The following PI4KA variants were observed in gnomAD, a reference collection of about 807,000 sequenced individuals.
PI4KA encodes the protein phosphatidylinositol 4-kinase alpha.
Under a neutral mutation model 271.4 loss-of-function variants are expected in PI4KA, and 122 were observed. That is an observed-to-expected ratio of 0.45 (90% CI 0.39 to 0.52). The LOEUF is 0.52. Ranked by LOEUF, PI4KA falls within the 20% of genes least tolerant of loss-of-function variation. PI4KA has a pLI of 0.00. For missense variants in PI4KA, 1,969 were observed against 2,769.1 expected (o/e 0.71, Z 6.48); for synonymous variants, 1,041 against 1,078.8 (o/e 0.96, Z 0.69).
Position 20,858,620 on chromosome 22 carries a change from G to A in PI4KA, c.106C>T (p.Leu36=), listed in dbSNP as rs929449590. The stretch of plus-strand genomic sequence containing the variant: ...ACCGCCAGGGAGCGGGCCAGTGACA[G>A]GACCGTGTTGAAATAGAAGCCCCGC... ...ASRGFYFNTV[L]SLARSLAVQR... is the part of the protein sequence containing the mutation. The change falls in exon 1 of 55, where the codon CTG becomes TTG. Residue 36 remains leucine (L), a synonymous_variant. Coordinates refer to ENST00000255882, the MANE Select transcript of PI4KA (RefSeq NM_058004.4). The A allele has an allele frequency of 6.0e-5, 89 of 1,487,016 alleles. No homozygotes were observed. Among genetic ancestry groups the A allele is most frequent in the Non-Finnish European group, 7.8e-5 (88 of 1,124,738 alleles). 92.1% of individuals were successfully genotyped at this position (1,487,016 alleles called of 1,614,324 possible).
intron 36 of PI4KA, among the ~76,000 whole-genome samples, chr22:20,730,386 T>G (rs1927881400): frequency 6.6e-6 from 1 of 152,032 alleles, no homozygotes; most frequent in African/African-American, 2.4e-5. Flanking sequence ...GTGATCCTCC[T>G]GCCTCAGCCT....
At chr22:20,826,605 A>C (rs1923455205) in intron 3 of PI4KA, among the ~76,000 whole-genome samples, 1 of 152,186 alleles carries the variant, frequency 6.6e-6, no homozygotes, top group Non-Finnish European at 1.5e-5. Context: ...ATCCTGTTTT[A>C]AATTCTTTCA....
rs1020216066 is a variant in PI4KA, at chr22:20,729,211, G to C, written c.4682+102C>G. On this transcript the variant is annotated intron_variant, in intron 39 of 54. Coordinates refer to ENST00000255882, the MANE Select transcript of PI4KA (RefSeq NM_058004.4). ...GACTACTTCCTGACTATCCTTGAAA[G>C]GGGCTGCAGGGCACTCCTGAGAACT... 15 of 941,606 alleles carry C rather than the reference G, an allele frequency of 1.6e-5. No homozygotes were observed. The Admixed American group carries it at 3.9e-4, about 25-fold the overall frequency. The allele number at this position is 941,606 out of a possible 1,614,324, so 58.3% of individuals were successfully genotyped here.
chr22:20,739,789 G>A (rs1294598063), intron 32 of PI4KA, among the ~76,000 whole-genome samples: 3 of 152,102 alleles, frequency 2.0e-5, no homozygotes, highest in South Asian at 2.1e-4. Flanking sequence ...ATGGCTGGGC[G>A]TGGTGGCTCA....
intron 9 of PI4KA, among the ~76,000 whole-genome samples, chr22:20,807,944 T>C (rs1431881123): frequency 1.3e-5 from 2 of 151,370 alleles, no homozygotes; most frequent in East Asian, 1.9e-4. Context: ...GTAGCACTAT[T>C]CTTCTTCTGA....
intron 32 of PI4KA, chr22:20,736,408 C>A (rs1928724348): frequency 6.6e-6 from 1 of 151,818 alleles, no homozygotes; most frequent in African/African-American, 2.4e-5. Context: ...AACAAGCCCA[C>A]CTTCGAGTCT....
chr22:20,746,238 A>G (rs1042939865), intron 29 of PI4KA, among the ~76,000 whole-genome samples: 4 of 151,504 alleles, frequency 2.6e-5, no homozygotes, highest in Non-Finnish European at 4.4e-5. Context: ...AATTTTTTGT[A>G]TTTTTAGTAG....
intron 19 of PI4KA, among the ~76,000 whole-genome samples, chr22:20,772,605 A>T (rs1932926062): frequency 6.6e-6 from 1 of 151,874 alleles, no homozygotes; most frequent in Non-Finnish European, 1.5e-5. Flanking sequence ...ATGCACAGAC[A>T]CCCCCATGGG....
rs537607777 is a variant in PI4KA at position 20,789,947 on chromosome 22, GC to G, written c.2328+3245del. ...AGTGACTGGTGACACAAGTAAACTT[GC>G]TCTCAGTGAAATACATGAATGTTTT... On this transcript the variant is annotated intron_variant, in intron 19 of 54. Transcript: ENST00000255882. Among the ~76,000 whole-genome samples the G allele has an allele frequency of 2.5e-3, 374 of 152,296 alleles. 1 individual carries two copies. Among genetic ancestry groups the G allele is most frequent in the African/African-American group, 8.6e-3 (357 of 41,548 alleles).
intron 19 of PI4KA, among the ~76,000 whole-genome samples, chr22:20,770,589 C>T (rs1322535827): frequency 4.3e-5 from 4 of 93,150 alleles, no homozygotes; most frequent in African/African-American, 1.9e-4. Context: ...GACACACACA[C>T]ACACACACAC....
chr22:20,821,481 AAGTGCTG>A (rs1475198646), intron 4 of PI4KA, among the ~76,000 whole-genome samples: 1 of 152,076 alleles, frequency 6.6e-6, no homozygotes, highest in Non-Finnish European at 1.5e-5. Flanking sequence ...TGGCCTCGCA[AAGTGCTG>A]AGATTATAGG....
At chr22:20,741,772 C>G (rs1244854339) in intron 32 of PI4KA, among the ~76,000 whole-genome samples, 2 of 152,204 alleles carry the variant, frequency 1.3e-5, no homozygotes, top group African/African-American at 4.8e-5. Context: ...TAAAATTGTT[C>G]TTAAGCGTTT....
chr22:20,734,509 C>G lies in PI4KA; in HGVS notation c.3786G>C (p.Gln1262His), dbSNP rs1395084963. 6.2e-7 allele frequency: 1 copy of G among 1,613,964 alleles called. No homozygotes were observed. ...TCTCAGCAGAAAACAGGCCAAATTT[C>G]TGCTCCACCGTCATGTGCCAGGCCC... ...MAGAWHMTVEQKFGLFSAEIK... is the reference protein window; with the variant it reads ...MAGAWHMTVEHKFGLFSAEIK... Residue 1262 changes from glutamine (Q) to histidine (H), a missense_variant, in exon 33 of 55, where the codon CAG becomes CAC. Transcript: ENST00000255882.
At chr22:20,765,369 G>T (rs1367533196) in intron 20 of PI4KA, 133 bp from the exon 21 acceptor site, 1 of 1,001,726 alleles carries the variant, frequency 1.0e-6, no homozygotes, top group Non-Finnish European at 1.5e-6. Context: ...AACGAAGTCT[G>T]TTACCTGACT....
At chr22:20,764,242 CAT>C (rs1236130793) in intron 22 of PI4KA, among the ~76,000 whole-genome samples, 1 of 152,128 alleles carries the variant, frequency 6.6e-6, no homozygotes, top group Non-Finnish European at 1.5e-5. Context: ...AGTGCGTAAA[CAT>C]GTGTAATGCA....
At position 20,754,420 on chromosome 22, in the gene PI4KA, G is replaced by T. The variant is rs1310129448; in HGVS notation, c.2792-1240C>A. Among the ~76,000 whole-genome samples the T allele has an allele frequency of 2.0e-5, 3 of 152,228 alleles. No individual in the cohort carries two copies. In the East Asian group the frequency reaches 5.8e-4, roughly 29 times the overall value. ...CTATTCTTTAGAAGCAAGTCACTAA[G>T]GACAGCCCACACTCAGAGCCAAGGA... On this transcript the variant is annotated intron_variant, in intron 23 of 54. Transcript: ENST00000255882.
chr22:20,839,630 G>A (rs1925305989), intron 1 of PI4KA, among the ~76,000 whole-genome samples: 1 of 152,214 alleles, frequency 6.6e-6, no homozygotes, highest in African/African-American at 2.4e-5. Context: ...AGAAGTTTGA[G>A]ACCAGCTTGG....
At chr22:20,721,270 G>T in intron 43 of PI4KA, 28 bp downstream of exon 43, 1 of 1,612,932 alleles carries the variant, frequency 6.2e-7, no homozygotes, top group Non-Finnish European at 8.5e-7. Flanking sequence ...GACAGTAAGT[G>T]AGGCCTGTGG....
chr22:20,732,346 C>A (rs907394717), intron 36 of PI4KA, among the ~76,000 whole-genome samples: 12 of 152,232 alleles, frequency 7.9e-5, no homozygotes, highest in Admixed American at 3.9e-4. Context: ...CGCTACTGCA[C>A]TCTAGCCTGG....
Sources: allele counts gnomAD v4.1 joint callset (sites outside exome capture counted in the v4.1 genomes callset), GRCh38; gene constraint gnomAD v4.1.1; transcripts MANE v1.5; gene names NCBI Gene and HGNC (gene_info 2026-07-23, HGNC 2026-07-21).